Variants in PRELID2 observed in about 807,000 individuals in gnomAD.
The protein encoded by PRELID2 is PRELI domain containing 2, also known as PRELI domain-containing protein 2.
PRELID2 carries 25 observed loss-of-function variants against 28.4 expected under a neutral mutation model. The ratio of observed to expected loss-of-function variants is 0.88; its 90% CI spans 0.64 to 1.23. PRELID2 has a LOEUF of 1.23. PRELID2 is among the 50% of genes most tolerant of loss of function. The pLI, the probability that PRELID2 is intolerant of heterozygous loss-of-function variation, is 0.00. For synonymous variants in PRELID2, 76 were observed against 71.6 expected (o/e 1.06, Z -0.31); for missense variants, 201 against 214.4 (o/e 0.94, Z 0.39).
chr5:145,237,571 C>T, the PRELID2 span, among the ~76,000 whole-genome samples: 7 of 152,020 alleles, frequency 4.6e-5, no homozygotes, highest in Non-Finnish European at 1.0e-4. Context: ...ACAGATGACA[C>T]GTTTGCTGGT....
intron 1 of PRELID2, among the ~76,000 whole-genome samples, chr5:145,537,279 G>T (rs1304056601): frequency 6.6e-6 from 1 of 151,828 alleles, no homozygotes; most frequent in Admixed American, 6.6e-5. Flanking sequence ...GTATAGACTA[G>T]TAGGTGATAA....
chr5:145,519,358 G>A (rs760445314), intron 1 of PRELID2, among the ~76,000 whole-genome samples: 23 of 152,250 alleles, frequency 1.5e-4, no homozygotes, highest in Admixed American at 3.3e-4. Context: ...TATCCCAAGC[G>A]GTAACCTAGG....
intron 1 of PRELID2, among the ~76,000 whole-genome samples, chr5:145,581,923 T>C (rs1246814243): frequency 2.0e-5 from 3 of 152,220 alleles, no homozygotes; most frequent in African/African-American, 7.2e-5. Flanking sequence ...TCTTTTTTTG[T>C]TCCAAATCAA....
At chr5:145,811,108 A>C (rs964448534) in intron 4 of PRELID2, among the ~76,000 whole-genome samples, 2 of 146,686 alleles carry the variant, frequency 1.4e-5, no homozygotes, top group Non-Finnish European at 1.5e-5. Context: ...AAAAAAAAAA[A>C]AAAAAAAAAA....
chr5:145,248,087 GATA>G, the PRELID2 span, among the ~76,000 whole-genome samples: 3 of 152,098 alleles, frequency 2.0e-5, no homozygotes, highest in East Asian at 5.8e-4. Flanking sequence ...TAGTTTGATA[GATA>G]ATAATAAAAT....
chr5:145,771,593 G>A (rs958224429), intron 5 of PRELID2, among the ~76,000 whole-genome samples: 49 of 151,934 alleles, frequency 3.2e-4, no homozygotes, highest in Middle Eastern at 3.4e-3. Context: ...AGTGGCTCAC[G>A]CCTGTAATCC....
chr5:145,600,819 T>C (rs1580994678), intron 1 of PRELID2, among the ~76,000 whole-genome samples: 1 of 152,072 alleles, frequency 6.6e-6, no homozygotes, highest in East Asian at 1.9e-4. Flanking sequence ...TATAAACATG[T>C]ATGTATGAAA....
At chr5:145,724,520 C>T (rs949488220) in intron 1 of PRELID2, among the ~76,000 whole-genome samples, 11 of 146,212 alleles carry the variant, frequency 7.5e-5, no homozygotes, top group Middle Eastern at 3.2e-3. Context: ...CAATGTTAAA[C>T]ATCCTGATTC....
intron 1 of PRELID2, among the ~76,000 whole-genome samples, chr5:145,501,226 G>A (rs1752357239): frequency 6.6e-6 from 1 of 152,050 alleles, no homozygotes; most frequent in Admixed American, 6.6e-5. Flanking sequence ...AGCTTTTCTG[G>A]TCTTATTTCA....
In PRELID2 at chr5:145,602,256, A is replaced by T. The variant is rs527240232; in HGVS notation, n.71-128941T>A. ...AGAGAGAAAAGTCCAAGCCCAAGAC[A>T]GATAGCACATAGGGACCTTAGTAAA... On this transcript the variant is annotated intron_variant and non_coding_transcript_variant, in intron 1 of 2. Transcript: ENST00000510259. Among the ~76,000 whole-genome samples, 14 of 152,352 alleles carry T rather than the reference A, an allele frequency of 9.2e-5. No homozygotes were observed. In the East Asian group the frequency reaches 2.7e-3, roughly 29 times the overall value.
At chr5:145,616,595 T>C (rs1429114091) in intron 1 of PRELID2, among the ~76,000 whole-genome samples, 2 of 152,052 alleles carry the variant, frequency 1.3e-5, no homozygotes, top group Non-Finnish European at 2.9e-5. Flanking sequence ...AACCAGCAAG[T>C]TTTTATTAGT....
chr5:145,245,666 A>C, the PRELID2 span, among the ~76,000 whole-genome samples: 1 of 152,116 alleles, frequency 6.6e-6, no homozygotes, highest in Non-Finnish European at 1.5e-5. Context: ...AAGGCAGGAA[A>C]AATCCTTCCT....
At chr5:145,597,116 T>C (rs995508594) in intron 1 of PRELID2, among the ~76,000 whole-genome samples, 5 of 152,174 alleles carry the variant, frequency 3.3e-5, no homozygotes, top group Admixed American at 6.5e-5. Flanking sequence ...AATATTGATA[T>C]GAAAATTAAA....
At chr5:145,248,087 G>T in the PRELID2 span, among the ~76,000 whole-genome samples, 1 of 152,214 alleles carries the variant, frequency 6.6e-6, no homozygotes, top group East Asian at 1.9e-4. Flanking sequence ...TAGTTTGATA[G>T]ATAATAATAA....
At chr5:145,659,442 C>T (rs1481323387) in intron 1 of PRELID2, among the ~76,000 whole-genome samples, 1 of 152,234 alleles carries the variant, frequency 6.6e-6, no homozygotes, top group Non-Finnish European at 1.5e-5. Context: ...CAGTGCTTTA[C>T]ACACAGTAGG....
At chr5:145,277,170 A>T in the PRELID2 span, among the ~76,000 whole-genome samples, 1 of 152,170 alleles carries the variant, frequency 6.6e-6, no homozygotes, top group Admixed American at 6.6e-5. Context: ...TGTATGGATT[A>T]CTACTGTGTC....
the PRELID2 span, among the ~76,000 whole-genome samples, chr5:145,385,961 T>C: frequency 6.6e-6 from 1 of 152,060 alleles, no homozygotes; most frequent in Non-Finnish European, 1.5e-5. Context: ...ATAATCCCTA[T>C]GTGTCAAGGG....
At chr5:145,705,192 T>C (rs1049682711) in intron 1 of PRELID2, among the ~76,000 whole-genome samples, 2 of 151,390 alleles carry the variant, frequency 1.3e-5, no homozygotes, top group Non-Finnish European at 2.9e-5. Context: ...ACCCAAAAAG[T>C]ACCTTTTTTT....
intron 1 of PRELID2, among the ~76,000 whole-genome samples, chr5:145,485,480 T>C (rs774515340): frequency 7.2e-5 from 11 of 152,180 alleles, no homozygotes; most frequent in Non-Finnish European, 1.2e-4. Flanking sequence ...AATGAGTGCA[T>C]GTATGTAGAG....
Sources: gnomAD v4.1 joint callset for allele counts (sites outside exome capture counted in the v4.1 genomes callset) on GRCh38, gnomAD v4.1.1 for gene constraint, MANE v1.5 for transcripts, NCBI Gene and HGNC (gene_info 2026-07-23, HGNC 2026-07-21) for gene names.